Variants in MARK3 observed in about 807,000 individuals in gnomAD.
MARK3 encodes microtubule affinity regulating kinase 3, also known as MAP/microtubule affinity-regulating kinase 3.
In MARK3, 46 loss-of-function variants were observed where a neutral mutation model predicts 90.1. That is an observed-to-expected ratio of 0.51 (90% CI 0.40 to 0.65). The LOEUF is 0.65. MARK3 is among the 30% of genes least tolerant of loss of function. MARK3 has a pLI of 0.00. For synonymous variants in MARK3, 321 were observed against 332.6 expected, an observed-to-expected ratio of 0.97 and a Z score of 0.38; for missense variants, 818 against 947.2, an observed-to-expected ratio of 0.86 and a Z score of 1.79.
chr14:103,467,075 T>C lies in MARK3; in HGVS notation c.998-4T>C. 7.3e-7 allele frequency: 1 copy of C among 1,364,884 alleles called. No homozygotes were observed. Among genetic ancestry groups the C allele is most frequent in the South Asian group, 1.2e-5 (1 of 82,134 alleles). The allele number at this position is 1,364,884 out of a possible 1,614,324, so 84.5% of individuals were successfully genotyped here. A position where few individuals can be genotyped will look rare whatever the true frequency, so the allele number is the denominator to read the frequency against. The stretch of plus-strand genomic sequence containing the variant: ...ACATAAACTGTATTATGCCCTTCTT[T>C]TAGATATTATGGTGGGAATGGGATA... On this transcript the variant is annotated splice_polypyrimidine_tract_variant and splice_region_variant and intron_variant, in intron 10 of 17. Coordinates refer to ENST00000429436, the MANE Select transcript of MARK3 (RefSeq NM_001128918.3).
intron 1 of MARK3, among the ~76,000 whole-genome samples, chr14:103,395,627 C>G (rs186348909): frequency 5.9e-5 from 9 of 152,294 alleles, no homozygotes; most frequent in Middle Eastern, 3.4e-3. Flanking sequence ...TGCAGCAGTT[C>G]CTCCAGTGAT....
At chr14:103,487,324 C>CA (rs200627600) in intron 14 of MARK3, among the ~76,000 whole-genome samples, 3 of 151,314 alleles carry the variant, frequency 2.0e-5, no homozygotes, top group Admixed American at 1.3e-4. Flanking sequence ...CCTATCTCTA[C>CA]AAAATTTTTT....
chr14:103,484,188 T>G (rs1349342404), intron 14 of MARK3, among the ~76,000 whole-genome samples: 8 of 151,902 alleles, frequency 5.3e-5, no homozygotes, highest in African/African-American at 1.4e-4. Context: ...TTTTTTCTTT[T>G]TTTTTCTGCG....
chr14:103,503,410 A>T lies in MARK3; in HGVS notation c.*183A>T. 1 of 618,576 alleles carries T rather than the reference A, an allele frequency of 1.6e-6. No homozygotes were observed. Among genetic ancestry groups the T allele is most frequent in the Non-Finnish European group, 2.8e-6 (1 of 359,540 alleles). 38.3% of individuals were successfully genotyped at this position (618,576 alleles called of 1,614,324 possible). ...TTTTTCTACGAATGCACTACATTAAAGATGTGCAACCTATGCGCCCCCTGC... is the reference window on the plus strand; with the variant it reads ...TTTTTCTACGAATGCACTACATTAATGATGTGCAACCTATGCGCCCCCTGC... On this transcript the variant is annotated 3_prime_UTR_variant, in exon 18 of 18. Transcript: ENST00000429436.
At chr14:103,416,988 A>G (rs1008004473) in intron 2 of MARK3, among the ~76,000 whole-genome samples, 1 of 152,172 alleles carries the variant, frequency 6.6e-6, no homozygotes, top group Non-Finnish European at 1.5e-5. Context: ...GATAAGCAGG[A>G]GAGTGAATGG....
chr14:103,413,465 C>T (rs1259401889), intron 2 of MARK3, among the ~76,000 whole-genome samples: 9 of 141,208 alleles, frequency 6.4e-5, no homozygotes, highest in Non-Finnish European at 1.2e-4. Flanking sequence ...CTGGCTCTGT[C>T]GCCCAGGCTG....
intron 13 of MARK3, among the ~76,000 whole-genome samples, chr14:103,476,218 G>T (rs2093712005): frequency 6.6e-6 from 1 of 152,176 alleles, no homozygotes; most frequent in South Asian, 2.1e-4. Flanking sequence ...AGTCTAACAG[G>T]AAGTGAATGA....
At chr14:103,439,516 C>T (rs141045532) in intron 3 of MARK3, among the ~76,000 whole-genome samples, 1 of 152,190 alleles carries the variant, frequency 6.6e-6, no homozygotes, top group Non-Finnish European at 1.5e-5. Flanking sequence ...TCAAGCGATT[C>T]TTGTGCCTCA....
chr14:103,490,986 G>A (rs1445448351), intron 14 of MARK3: 8 of 1,285,662 alleles, frequency 6.2e-6, no homozygotes, highest in Non-Finnish European at 8.1e-6. Flanking sequence ...AGCTAGCCCT[G>A]CCTCAGTTTG....
intron 13 of MARK3, among the ~76,000 whole-genome samples, chr14:103,479,965 T>C (rs8014800): frequency 0.34 from 51,963 of 151,814 alleles, 9,370 homozygotes; most frequent in East Asian, 0.5. Flanking sequence ...TAAAGAAATA[T>C]CTATTGAAGG....
intron 12 of MARK3, among the ~76,000 whole-genome samples, chr14:103,472,075 G>C (rs1566906382): frequency 6.6e-6 from 1 of 151,700 alleles, no homozygotes; most frequent in East Asian, 2.0e-4. Flanking sequence ...GCCAGGCGTG[G>C]TGGTGGGCAC....
chr14:103,422,406 G>A (rs1298334114), intron 2 of MARK3, among the ~76,000 whole-genome samples: 1 of 152,196 alleles, frequency 6.6e-6, no homozygotes, highest in Non-Finnish European at 1.5e-5. Flanking sequence ...AGTGAGCCAA[G>A]ATCGCGCGAC....
intron 12 of MARK3, among the ~76,000 whole-genome samples, chr14:103,471,976 C>T (rs929920863): frequency 6.6e-6 from 1 of 151,920 alleles, no homozygotes; most frequent in East Asian, 1.9e-4. Flanking sequence ...TTTGGGAGTC[C>T]GAGGCAGGTG....
intron 2 of MARK3, among the ~76,000 whole-genome samples, chr14:103,407,691 G>GCTGGGA (rs1411468559): frequency 6.6e-6 from 1 of 150,508 alleles, no homozygotes; most frequent in Non-Finnish European, 1.5e-5. Context: ...CTCCTGAGTA[G>GCTGGGA]CTGGGACTAT....
rs533419014 is a variant in MARK3, at chr14:103,494,422, A to G, written c.1844+2388A>G. Among the ~76,000 whole-genome samples, 360 of 149,302 alleles carry G rather than the reference A, an allele frequency of 2.4e-3. 1 individual carries two copies. Among genetic ancestry groups the G allele is most frequent in the Non-Finnish European group, 4.7e-3 (315 of 67,446 alleles). On this transcript the variant is annotated intron_variant, in intron 15 of 17. Coordinates refer to ENST00000429436, the MANE Select transcript of MARK3 (RefSeq NM_001128918.3). ...CAAAATTAGCCGGGCATGGTGGCAC[A>G]TGCCTGTAATCCCAGGGAGACTGAG...
At position 103,471,048 on chromosome 14, in the gene MARK3, C is replaced by A. The variant is rs1294392477; in HGVS notation, c.1264+2862C>A. Among the ~76,000 whole-genome samples the A allele has an allele frequency of 2.0e-5, 3 of 152,162 alleles. No individual in the cohort carries two copies. The South Asian group carries it at 6.2e-4, about 31-fold the overall frequency. ...CTCACATCAGGATTTGTGCTCCTAGCATTTGTAGGTGACGTGTTGATCTAG... is the reference window on the plus strand; with the variant it reads ...CTCACATCAGGATTTGTGCTCCTAGAATTTGTAGGTGACGTGTTGATCTAG... On this transcript the variant is annotated intron_variant, in intron 12 of 17. Transcript: ENST00000429436.
chr14:103,430,912 C>A lies in MARK3; in HGVS notation c.297+2472C>A, dbSNP rs76268410. On this transcript the variant is annotated intron_variant, in intron 3 of 17. Coordinates refer to ENST00000429436, the MANE Select transcript of MARK3 (RefSeq NM_001128918.3). ...GATGGGTCTTGCTCTGTTGTCCAGG[C>A]TGGACTCGAACTCCTGGGCTTAAGC... Among the ~76,000 whole-genome samples, 8 of 152,254 alleles carry A rather than the reference C, an allele frequency of 5.3e-5. No homozygotes were observed. In the East Asian group the frequency reaches 1.5e-3, roughly 29 times the overall value.
At position 103,385,734 on chromosome 14, in the gene MARK3, A is replaced by C; in HGVS notation, c.-296A>C. On this transcript the variant is annotated 5_prime_UTR_variant, in exon 1 of 18. Coordinates refer to ENST00000429436, the MANE Select transcript of MARK3 (RefSeq NM_001128918.3). ...CAGGATCGCGGGGCGCCCTGAGGCA[A>C]GGGGACGCCGGCGGGCCGAAGCGCA... 1.8e-5 allele frequency: 6 copies of C among 325,106 alleles called. No individual in the cohort carries two copies. The highest frequency in any genetic ancestry group is 2.2e-5 in the Non-Finnish European group (4 of 179,848). The allele number at this position is 325,106 out of a possible 1,614,324, so 20.1% of individuals were successfully genotyped here. A position where few individuals can be genotyped will look rare whatever the true frequency, so the allele number is the denominator to read the frequency against.
chr14:103,387,751 C>T (rs535338484), intron 1 of MARK3, among the ~76,000 whole-genome samples: 3 of 152,216 alleles, frequency 2.0e-5, no homozygotes, highest in Admixed American at 6.5e-5. Context: ...CCTCGGCTCC[C>T]CAAAGTGCTG....
Sources: gnomAD v4.1 joint callset for allele counts (sites outside exome capture counted in the v4.1 genomes callset) on GRCh38, gnomAD v4.1.1 for gene constraint, MANE v1.5 for transcripts, NCBI Gene and HGNC (gene_info 2026-07-23, HGNC 2026-07-21) for gene names.